Variants in HES7 observed in about 807,000 individuals in gnomAD.
The protein encoded by HES7 is hes family bHLH transcription factor 7, also known as transcription factor HES-7.
Under a neutral mutation model 18.0 loss-of-function variants are expected in HES7, and 8 were observed. The observed-to-expected ratio is 0.45, with a 90% CI of 0.26 to 0.80. HES7 has a LOEUF of 0.80. HES7 is among the 30% of genes least tolerant of loss of function. The probability of loss-of-function intolerance (pLI) is 0.18; values close to 1 mark genes in which losing one functional copy is unlikely to be tolerated. For synonymous variants in HES7, 170 were observed against 158.6 expected (o/e 1.07, Z -0.54); for missense variants, 356 against 340.9 (o/e 1.04, Z -0.35).
rs368901132 is a variant in HES7 at position 8,122,777 on chromosome 17, C to G, written c.138+254G>C. On this transcript the variant is annotated intron_variant, in intron 2 of 3. Coordinates refer to ENST00000541682, the MANE Select transcript of HES7 (RefSeq NM_001165967.2). The surrounding 1 kb of genome is among the most constrained non-coding windows in gnomAD (Gnocchi z 6.9). ...AGGGGGAACCGGACACTTAGAGACC[C>G]AAAGGGTGAAACTGACCGACCCCGG... Among the ~76,000 whole-genome samples the G allele has an allele frequency of 6.6e-6, 1 of 152,122 alleles. No homozygotes were observed.
At position 8,121,843 on chromosome 17, in the gene HES7, C is replaced by A. The variant is rs1417966164; in HGVS notation, c.421G>T (p.Val141Leu). Residue 141 changes from valine (V) to leucine (L), a missense_variant, in exon 4 of 4, where the codon GTA becomes TTA. By Grantham distance (32) the Val-to-Leu change is conservative. Transcript: ENST00000541682. The part of the protein sequence containing the change: ...LRPKPPRPKP[V>L]DPRPPAPRPS... The stretch of plus-strand genomic sequence containing the variant: ...CGCGGCGCTGGAGGCCTCGGATCTA[C>A]CGGCTTGGGCCGGGGCGGTTTGGGG... The A allele has an allele frequency of 6.4e-7, 1 of 1,571,458 alleles. No homozygotes were observed. Among genetic ancestry groups the A allele is most frequent in the Admixed American group, 1.7e-5 (1 of 57,770 alleles).
At position 8,122,107 on chromosome 17, in the gene HES7, G is replaced by T; in HGVS notation, c.227-70C>A. On this transcript the variant is annotated intron_variant, in intron 3 of 3. Coordinates refer to ENST00000541682, the MANE Select transcript of HES7 (RefSeq NM_001165967.2). This position sits in a 1 kb window ranked among gnomAD's most constrained non-coding sequence, Gnocchi z 6.9. ...GCAGGGGTGAGGGAAGGGGCGGGGCGCAGAGATACCAAGGCCGGACAGGCG... is the reference window on the plus strand; with the variant it reads ...GCAGGGGTGAGGGAAGGGGCGGGGCTCAGAGATACCAAGGCCGGACAGGCG... 1 of 1,342,238 alleles carries T rather than the reference G, an allele frequency of 7.5e-7. No homozygotes were observed. 83.1% of individuals were successfully genotyped at this position (1,342,238 alleles called of 1,614,324 possible). A position where few individuals can be genotyped will look rare whatever the true frequency, so the allele number is the denominator to read the frequency against.
rs938461605 is a variant in HES7, at chr17:8,123,387, C to T, written c.43-261G>A. Reference sequence around the variant, plus strand: ...CTCCTCCCCTCTCTGTGTCTCTCCTCCTCTTTTCTCTCTACGTCTCCGTCT... The same window carrying T: ...CTCCTCCCCTCTCTGTGTCTCTCCTTCTCTTTTCTCTCTACGTCTCCGTCT... On this transcript the variant is annotated intron_variant, in intron 1 of 3. Transcript: ENST00000541682. The surrounding 1 kb of genome is among the most constrained non-coding windows in gnomAD (Gnocchi z 5.9). 1.2e-5 allele frequency: 7 copies of T among 570,102 alleles called. No homozygotes were observed. The highest frequency in any genetic ancestry group is 7.5e-5 in the African/African-American group (4 of 53,432). 35.3% of individuals were successfully genotyped at this position (570,102 alleles called of 1,614,324 possible).
chr17:8,123,094 C>T lies in HES7; in HGVS notation c.75G>A (p.Arg25=), dbSNP rs753408923. 3 of 1,607,710 alleles carry T rather than the reference C, an allele frequency of 1.9e-6. No individual in the cohort carries two copies. The highest frequency in any genetic ancestry group is 2.2e-5 in the South Asian group (2 of 89,818). ...CTTCCAGGCTGCGGTTGATGCGGTC[C>T]CGGCGCCGCTTCTCCACAAGCGGCT... The part of the protein sequence containing the change: ...MLKPLVEKRR[R]DRINRSLEEL... The change falls in exon 2 of 4, where the codon CGG becomes CGA. Residue 25 remains arginine, a synonymous_variant. Coordinates refer to ENST00000541682, the MANE Select transcript of HES7 (RefSeq NM_001165967.2). This position sits in a 1 kb window ranked among gnomAD's most constrained non-coding sequence, Gnocchi z 5.9.
Position 8,124,044 on chromosome 17 carries a change from T to C in HES7, c.41A>G (p.Lys14Arg). The change falls in exon 1 of 4, where the codon AAG (lysine) becomes AGG (arginine). Residue 14 changes from lysine to arginine, a missense_variant and splice_region_variant. Coordinates refer to ENST00000541682, the MANE Select transcript of HES7 (RefSeq NM_001165967.2). ...GCTCCCTCCCCTCCCGCCTCTCACC[T>C]TGGGGCCGTCCCTATTCTCAGCTCG... ...RDRAENRDGPKMLKPLVEKRR... is the reference protein window; with the variant it reads ...RDRAENRDGPRMLKPLVEKRR... The C allele has an allele frequency of 6.2e-7, 1 of 1,613,984 alleles. No homozygotes were observed. Among genetic ancestry groups the C allele is most frequent in the Non-Finnish European group, 8.5e-7 (1 of 1,179,998 alleles).
chr17:8,125,005 G>A (rs1004957755), upstream of HES7, among the ~76,000 whole-genome samples: 4 of 152,120 alleles, frequency 2.6e-5, no homozygotes, highest in African/African-American at 9.7e-5. Context: ...GCTTCTGGAG[G>A]CCCCTGGTGA....
At chr17:8,125,763 G>A (rs554444064), upstream of HES7, among the ~76,000 whole-genome samples, 1 of 152,182 alleles carries the variant, frequency 6.6e-6, no homozygotes, top group Admixed American at 6.5e-5. Flanking sequence ...TGGTTCAGTG[G>A]TAGAATTCTC....
chr17:8,122,420 T>C lies in HES7; in HGVS notation c.149A>G (p.Asn50Ser), dbSNP rs1454862604. Residue 50 changes from asparagine to serine, a missense_variant, in exon 3 of 4, where the codon AAC becomes AGC. Asn to Ser is a conservative substitution (Grantham distance 46). Transcript: ENST00000541682. The surrounding 1 kb of genome is among the most constrained non-coding windows in gnomAD (Gnocchi z 6.9). Reference protein sequence around the residue: ...LERTRDQNLRNPKLEKAEILE... With the variant: ...LERTRDQNLRSPKLEKAEILE... ...TATCTCCGCTTTCTCCAGCTTCGGGTTCCGGAGGTTCTACAGACGGGAGGG... is the reference window on the plus strand; with the variant it reads ...TATCTCCGCTTTCTCCAGCTTCGGGCTCCGGAGGTTCTACAGACGGGAGGG... 6.3e-7 allele frequency: 1 copy of C among 1,582,632 alleles called. No homozygotes were observed.
At position 8,121,265 on chromosome 17, in the gene HES7, G is replaced by A. The variant is rs1598230071; in HGVS notation, c.*306C>T. On this transcript the variant is annotated 3_prime_UTR_variant, in exon 4 of 4. Transcript: ENST00000541682. The stretch of plus-strand genomic sequence containing the variant: ...AGGCCCCTGGCTCGGGGACACACGG[G>A]GATTTAATAACCACTTTATTCCATG... 1 of 275,034 alleles carries A rather than the reference G, an allele frequency of 3.6e-6. No homozygotes were observed. The highest frequency in any genetic ancestry group is 6.0e-5 in the East Asian group (1 of 16,694). 17.0% of individuals were successfully genotyped at this position (275,034 alleles called of 1,614,324 possible). A position where few individuals can be genotyped will look rare whatever the true frequency, so the allele number is the denominator to read the frequency against.
Position 8,123,354 on chromosome 17 carries a change from C to T in HES7, c.43-228G>A. The T allele has an allele frequency of 5.0e-6, 3 of 594,228 alleles. No homozygotes were observed. Among genetic ancestry groups the T allele is most frequent in the Non-Finnish European group, 9.0e-6 (3 of 331,682 alleles). The allele number at this position is 594,228 out of a possible 1,614,324, so 36.8% of individuals were successfully genotyped here. A position where few individuals can be genotyped will look rare whatever the true frequency, so the allele number is the denominator to read the frequency against. On this transcript the variant is annotated intron_variant, in intron 1 of 3. Transcript: ENST00000541682. The surrounding 1 kb of genome is among the most constrained non-coding windows in gnomAD (Gnocchi z 5.9). ...TCTTCGCATTCTCCTCTCTCAGTCT[C>T]GTCCTCCCTCCTCCCCTCTCTGTGT...
rs1981327938 is a variant in HES7 at position 8,121,641 on chromosome 17, G to C, written c.623C>G (p.Pro208Arg). The C allele has an allele frequency of 1.5e-6, 2 of 1,320,382 alleles. No individual in the cohort carries two copies. Among genetic ancestry groups the C allele is most frequent in the Non-Finnish European group, 1.9e-6 (2 of 1,042,732 alleles). The allele number at this position is 1,320,382 out of a possible 1,614,324, so 81.8% of individuals were successfully genotyped here. A position where few individuals can be genotyped will look rare whatever the true frequency, so the allele number is the denominator to read the frequency against. ...CTTGGGCGCCCCGTCTTGTCTGTGA[G>C]GCGGCGGTGGCGGCGGCAGCAGTCC... ...LTGLLPPPPP[P>R]HRQDGAPKAP... Residue 208 changes from proline (P) to arginine (R), a missense_variant, in exon 4 of 4, where the codon CCT (proline) becomes CGT (arginine). Pro to Arg is a moderately radical substitution (Grantham distance 103). Coordinates refer to ENST00000541682, the MANE Select transcript of HES7 (RefSeq NM_001165967.2).
upstream of HES7, among the ~76,000 whole-genome samples, chr17:8,125,580 C>T (rs1245560316): frequency 6.6e-6 from 1 of 152,210 alleles, no homozygotes; most frequent in African/African-American, 2.4e-5. Context: ...CCATATGGGG[C>T]GGCTTTATGG....
chr17:8,122,345 G>A lies in HES7; in HGVS notation c.224C>T (p.Pro75Leu), dbSNP rs768825167. 5 of 1,406,126 alleles carry A rather than the reference G, an allele frequency of 3.6e-6. No homozygotes were observed. The highest frequency in any genetic ancestry group is 5.7e-5 in the East Asian group (2 of 34,898). The allele number at this position is 1,406,126 out of a possible 1,614,324, so 87.1% of individuals were successfully genotyped here. A position where few individuals can be genotyped will look rare whatever the true frequency, so the allele number is the denominator to read the frequency against. The stretch of plus-strand genomic sequence containing the variant: ...GCTGCCCCACCCCCGCGCTGTACCC[G>A]GGGGCTCCACCCGGCTTCGCTCCCT... ...YLRERSRVEP[P>L]AAAAPGVPRS... is the part of the protein sequence containing the mutation. Residue 75 changes from proline (P) to leucine (L), a missense_variant and splice_region_variant, in exon 3 of 4, where the codon CCG becomes CTG. Physicochemically the swap from Pro to Leu is moderately conservative, Grantham distance 98. Coordinates refer to ENST00000541682, the MANE Select transcript of HES7 (RefSeq NM_001165967.2). The surrounding 1 kb of genome is among the most constrained non-coding windows in gnomAD (Gnocchi z 6.9).
chr17:8,125,957 A>G (rs966379790), upstream of HES7, among the ~76,000 whole-genome samples: 2 of 152,208 alleles, frequency 1.3e-5, no homozygotes, highest in African/African-American at 4.8e-5. Flanking sequence ...CCCCAGGCCT[A>G]AACGATTCCG....
rs1316767627 is a variant in HES7 at position 8,122,302 on chromosome 17, T to TC, written c.226+40dup. 2.1e-6 allele frequency: 3 copies of TC among 1,460,172 alleles called. No homozygotes were observed. The highest frequency in any genetic ancestry group is 2.5e-5 in the East Asian group (1 of 40,754). The allele number at this position is 1,460,172 out of a possible 1,614,324, so 90.5% of individuals were successfully genotyped here. The stretch of plus-strand genomic sequence containing the variant: ...CTGCCCCGGCCGGAGCCTCCTGGCG[T>TC]CCCCCCTCCCTCCCTCCGCTGCCCC... On this transcript the variant is annotated intron_variant, in intron 3 of 3. Transcript: ENST00000541682. The surrounding 1 kb of genome is among the most constrained non-coding windows in gnomAD (Gnocchi z 6.9).
rs1472098183 is a variant in HES7 at position 8,121,752 on chromosome 17, T to C, written c.512A>G (p.Gln171Arg). The change falls in exon 4 of 4, where the codon CAG becomes CGG. Residue 171 changes from glutamine (Q) to arginine (R), a missense_variant. Physicochemically the swap from Gln to Arg is conservative, Grantham distance 43. Coordinates refer to ENST00000541682, the MANE Select transcript of HES7 (RefSeq NM_001165967.2). ...TGCGCAGCGCGGGCTAGGGTGGCCC[T>C]GGTGCACTGGGGGGCGCTGGTGCAG... ...PALHQRPPVH[Q>R]GHPSPRCAWS... The C allele has an allele frequency of 2.0e-6, 3 of 1,484,744 alleles. No individual in the cohort carries two copies. The highest frequency in any genetic ancestry group is 2.7e-6 in the Non-Finnish European group (3 of 1,130,384). 92.0% of individuals were successfully genotyped at this position (1,484,744 alleles called of 1,614,324 possible).
chr17:8,124,031 C>T lies in HES7; in HGVS notation c.42+12G>A, dbSNP rs765117482. 1.9e-6 allele frequency: 3 copies of T among 1,613,990 alleles called. No individual in the cohort carries two copies. Among genetic ancestry groups the T allele is most frequent in the Admixed American group, 3.3e-5 (2 of 60,022 alleles). On this transcript the variant is annotated intron_variant, in intron 1 of 3. Coordinates refer to ENST00000541682, the MANE Select transcript of HES7 (RefSeq NM_001165967.2). ...ACCAGGGACCTCTGCTCCCTCCCCTCCCGCCTCTCACCTTGGGGCCGTCCC... is the reference window on the plus strand; with the variant it reads ...ACCAGGGACCTCTGCTCCCTCCCCTTCCGCCTCTCACCTTGGGGCCGTCCC...
rs766073916 is a variant in HES7, at chr17:8,124,062, T to C, written c.23A>G (p.Glu8Gly). ...TCTCACCTTGGGGCCGTCCCTATTC[T>C]CAGCTCGATCCCGGGTGACCATTGC... Reference protein sequence around the residue: MVTRDRAENRDGPKMLKP... With the variant: MVTRDRAGNRDGPKMLKP... Residue 8 changes from glutamate to glycine, a missense_variant, in exon 1 of 4, where the codon GAG (glutamate) becomes GGG (glycine). Coordinates refer to ENST00000541682, the MANE Select transcript of HES7 (RefSeq NM_001165967.2). 1.9e-6 allele frequency: 3 copies of C among 1,613,998 alleles called. No homozygotes were observed. In the South Asian group the frequency reaches 3.3e-5, roughly 18 times the overall value.
At chr17:8,126,267 G>T (rs1223090899), upstream of HES7, among the ~76,000 whole-genome samples, 1 of 152,016 alleles carries the variant, frequency 6.6e-6, no homozygotes, top group Non-Finnish European at 1.5e-5. Context: ...GTGTCTCTTA[G>T]CTCCTCCATC....
Sources: allele counts gnomAD v4.1 joint callset (sites outside exome capture counted in the v4.1 genomes callset), GRCh38; gene constraint gnomAD v4.1.1; non-coding constraint Gnocchi (gnomAD v3.1); transcripts MANE v1.5; gene names NCBI Gene and HGNC (gene_info 2026-07-23, HGNC 2026-07-21).